Variants in KCNN2 observed in about 807,000 individuals in gnomAD.
The protein encoded by KCNN2 is small conductance calcium-activated potassium channel protein 2.
In KCNN2, 24 loss-of-function variants were observed where a neutral mutation model predicts 55.5. The ratio of observed to expected loss-of-function variants is 0.43; its 90% confidence interval spans 0.31 to 0.61. The LOEUF is 0.61. KCNN2 is among the 20% of genes least tolerant of loss of function. The probability of loss-of-function intolerance (pLI) is 0.08; values close to 1 mark genes in which losing one functional copy is unlikely to be tolerated. For synonymous variants in KCNN2, 431 were observed against 336.1 expected (o/e 1.28, Z -3.09); for missense variants, 754 against 853.6 (o/e 0.88, Z 1.45).
At chr5:114,208,011 G>A (rs1753809572) in intron 1 of KCNN2, among the ~76,000 whole-genome samples, 1 of 152,224 alleles carries the variant, frequency 6.6e-6, no homozygotes, top group Non-Finnish European at 1.5e-5. Flanking sequence ...ACAGTAGGTA[G>A]GTTGTGACTG....
At chr5:114,141,554 C>T (rs1752280859) in intron 1 of KCNN2, among the ~76,000 whole-genome samples, 1 of 152,038 alleles carries the variant, frequency 6.6e-6, no homozygotes, top group Admixed American at 6.6e-5. Flanking sequence ...GGGTTGGTTC[C>T]AAGTCTTTGC....
At chr5:114,240,926 A>G (rs1754605255) in intron 2 of KCNN2, among the ~76,000 whole-genome samples, 1 of 152,222 alleles carries the variant, frequency 6.6e-6, no homozygotes, top group South Asian at 2.1e-4. Context: ...AAGAGGATTT[A>G]TTAACTCTCA....
chr5:114,358,865 A>G (rs1455016044), upstream of KCNN2, among the ~76,000 whole-genome samples: 1 of 152,260 alleles, frequency 6.6e-6, no homozygotes, highest in African/African-American at 2.4e-5. Flanking sequence ...TCTACATATA[A>G]ACTTAAAATT....
chr5:114,115,765 C>G (rs1393958702), intron 1 of KCNN2, among the ~76,000 whole-genome samples: 1 of 151,958 alleles, frequency 6.6e-6, no homozygotes, highest in African/African-American at 2.4e-5. Context: ...AGCTAAAGAG[C>G]CTGCCCTTTC....
chr5:114,344,204 A>G lies in KCNN2; in HGVS notation c.-184-16741A>G, dbSNP rs73782203. On this transcript the variant is annotated intron_variant, in intron 2 of 10. Coordinates refer to the KCNN2 transcript ENST00000512097. Reference sequence around the variant, plus strand: ...AACTGCAAGGAGTTTGGGTCTTACTACAAAGTAAGGAGCCCAGTCACCAAG... The same window carrying G: ...AACTGCAAGGAGTTTGGGTCTTACTGCAAAGTAAGGAGCCCAGTCACCAAG... Among the ~76,000 whole-genome samples, 94 of 152,276 alleles carry G rather than the reference A, an allele frequency of 6.2e-4. 1 individual carries two copies. The highest frequency in any genetic ancestry group is 2.2e-3 in the African/African-American group (92 of 41,556).
intron 2 of KCNN2, among the ~76,000 whole-genome samples, chr5:114,299,056 T>C (rs73779785): frequency 0.042 from 6,336 of 152,172 alleles, 442 homozygotes; most frequent in African/African-American, 0.14. Context: ...TTCAACAGTA[T>C]AATAATGTCA....
At chr5:114,183,583 T>C (rs989290552) in intron 1 of KCNN2, among the ~76,000 whole-genome samples, 3 of 152,140 alleles carry the variant, frequency 2.0e-5, no homozygotes, top group African/African-American at 7.2e-5. Context: ...AGTTGTATAT[T>C]TGAAGAATCT....
At chr5:114,238,981 C>T (rs982199625) in intron 2 of KCNN2, among the ~76,000 whole-genome samples, 3 of 152,106 alleles carry the variant, frequency 2.0e-5, no homozygotes, top group African/African-American at 7.2e-5. Flanking sequence ...CCTGGTGGTA[C>T]AGCATGCTCA....
chr5:114,325,249 G>A (rs756349669), intron 2 of KCNN2, among the ~76,000 whole-genome samples: 19 of 152,262 alleles, frequency 1.2e-4, no homozygotes, highest in African/African-American at 2.4e-4. Flanking sequence ...ATTCTGTGTT[G>A]AATATATAGC....
At chr5:114,217,591 C>T (rs1754033080) in intron 1 of KCNN2, among the ~76,000 whole-genome samples, 1 of 151,996 alleles carries the variant, frequency 6.6e-6, no homozygotes, top group Non-Finnish European at 1.5e-5. Context: ...ATATGGTTTA[C>T]CTAAATTAAC....
intron 1 of KCNN2, among the ~76,000 whole-genome samples, chr5:114,146,548 T>G (rs1245455916): frequency 6.6e-6 from 1 of 152,076 alleles, no homozygotes; most frequent in Admixed American, 6.6e-5. Context: ...CCAGATGAAA[T>G]TGGAAAAGGT....
intron 2 of KCNN2, among the ~76,000 whole-genome samples, chr5:114,230,054 T>C (rs895601484): frequency 6.6e-6 from 1 of 152,162 alleles, no homozygotes; most frequent in Non-Finnish European, 1.5e-5. Context: ...AAACACACAA[T>C]AGAAGTTAAG....
At chr5:114,355,517 C>A (rs1463502460) in intron 2 of KCNN2, among the ~76,000 whole-genome samples, 1 of 152,156 alleles carries the variant, frequency 6.6e-6, no homozygotes, top group Non-Finnish European at 1.5e-5. Flanking sequence ...ATATTTGGTT[C>A]CACTTTTGCT....
In KCNN2 at chr5:114,196,714, C is replaced by T. The variant is rs191711980; in HGVS notation, c.-270-24766C>T. The stretch of plus-strand genomic sequence containing the variant: ...GTTAGCAATATTCTGATTTTAGCAA[C>T]TTACATCTACTTTGTTTTTTTCTTT... On this transcript the variant is annotated intron_variant, in intron 1 of 10. Coordinates refer to the KCNN2 transcript ENST00000512097. Among the ~76,000 whole-genome samples, 14 of 152,154 alleles carry T rather than the reference C, an allele frequency of 9.2e-5. No homozygotes were observed. In the East Asian group the frequency reaches 1.9e-3, roughly 21 times the overall value.
chr5:114,417,657 A>T (rs370254500), intron 3 of KCNN2, among the ~76,000 whole-genome samples: 5 of 152,180 alleles, frequency 3.3e-5, no homozygotes, highest in African/African-American at 1.2e-4. Flanking sequence ...GGCAGGTTTG[A>T]TGTGGTCAGG....
chr5:114,387,782 T>C (rs895996542), intron 2 of KCNN2, among the ~76,000 whole-genome samples: 5 of 152,094 alleles, frequency 3.3e-5, no homozygotes, highest in African/African-American at 7.2e-5. Context: ...GAGACTAGAC[T>C]CTCTGACATT....
intron 3 of KCNN2, among the ~76,000 whole-genome samples, chr5:114,416,606 G>A (rs960958641): frequency 1.9e-4 from 29 of 152,166 alleles, no homozygotes; most frequent in African/African-American, 6.8e-4. Context: ...TGCCACAGGA[G>A]CAAAAGATGT....
intron 1 of KCNN2, among the ~76,000 whole-genome samples, chr5:114,199,342 C>G (rs1223319149): frequency 6.6e-6 from 1 of 152,012 alleles, no homozygotes; most frequent in Admixed American, 6.6e-5. Context: ...CTTGAAGCAG[C>G]ATATAATTGA....
chr5:114,192,134 T>C (rs1263316895), intron 1 of KCNN2, among the ~76,000 whole-genome samples: 1 of 152,228 alleles, frequency 6.6e-6, no homozygotes, highest in Non-Finnish European at 1.5e-5. Context: ...CCAGCTTTTC[T>C]TTTTGAATTG....
Sources: allele counts gnomAD v4.1 joint callset (sites outside exome capture counted in the v4.1 genomes callset), GRCh38; gene constraint gnomAD v4.1.1; transcripts MANE v1.5; gene names NCBI Gene and HGNC (gene_info 2026-07-23, HGNC 2026-07-21).